The following JARID2 variants were observed in gnomAD, a reference collection of about 807,000 sequenced individuals.
JARID2 encodes the protein jumonji and AT-rich interaction domain containing 2.
A neutral mutation model predicts 125.6 loss-of-function variants in JARID2; 21 were observed. The observed-to-expected ratio is 0.17, with a 90% confidence interval of 0.12 to 0.24. The LOEUF (loss-of-function observed/expected upper bound fraction) is 0.24, where lower values mean the gene tolerates loss of function less well. JARID2 is among the 10% of genes least tolerant of loss of function. JARID2 has a pLI of 1.00. For synonymous variants in JARID2, 736 were observed against 661.6 expected (o/e 1.11, Z -1.73); for missense variants, 1,303 against 1,639.6 (o/e 0.79, Z 3.55).
chr6:15,298,435 C>T (rs1276844034), intron 1 of JARID2, among the ~76,000 whole-genome samples: 2 of 151,766 alleles, frequency 1.3e-5, no homozygotes, highest in Non-Finnish European at 2.9e-5. Context: ...CCTGTAATCC[C>T]AGCACTTTGG....
chr6:15,445,189 G>A (rs1767621084), intron 3 of JARID2, among the ~76,000 whole-genome samples: 1 of 152,206 alleles, frequency 6.6e-6, no homozygotes, highest in African/African-American at 2.4e-5. Context: ...TCTAATGGCA[G>A]GATGCCCAGG....
chr6:15,373,632 T>G (rs1764248769), intron 1 of JARID2, among the ~76,000 whole-genome samples: 1 of 152,224 alleles, frequency 6.6e-6, no homozygotes, highest in African/African-American at 2.4e-5. Flanking sequence ...TGTAAATTCC[T>G]TGAATGCACA....
chr6:15,274,684 G>A (rs957358762), intron 1 of JARID2, among the ~76,000 whole-genome samples: 9 of 152,170 alleles, frequency 5.9e-5, no homozygotes, highest in African/African-American at 2.2e-4. Flanking sequence ...GCAATATTGT[G>A]TTGGCCTCTT....
intron 1 of JARID2, among the ~76,000 whole-genome samples, chr6:15,294,790 T>G (rs936384756): frequency 6.6e-6 from 1 of 152,162 alleles, no homozygotes; most frequent in African/African-American, 2.4e-5. Context: ...GTGACTTTAG[T>G]GTGAGGGCCT....
chr6:15,439,397 G>A (rs1767353198), intron 3 of JARID2, among the ~76,000 whole-genome samples: 1 of 152,070 alleles, frequency 6.6e-6, no homozygotes, highest in African/African-American at 2.4e-5. Flanking sequence ...TTATACTTTT[G>A]ATCACCCTTC....
At chr6:15,365,513 C>A (rs914403005) in intron 1 of JARID2, among the ~76,000 whole-genome samples, 2 of 152,150 alleles carry the variant, frequency 1.3e-5, no homozygotes, top group African/African-American at 4.8e-5. Context: ...AGCTGCCCAG[C>A]AGATTTTTAT....
At chr6:15,400,175 G>A (rs1364075648) in intron 2 of JARID2, among the ~76,000 whole-genome samples, 1 of 152,110 alleles carries the variant, frequency 6.6e-6, no homozygotes, top group African/African-American at 2.4e-5. Context: ...TGTGCCTCGG[G>A]GAGGGGCCTG....
chr6:15,398,552 T>C (rs769161125), intron 2 of JARID2, among the ~76,000 whole-genome samples: 22 of 152,232 alleles, frequency 1.4e-4, no homozygotes, highest in African/African-American at 2.9e-4. Flanking sequence ...CTAAAACTTA[T>C]GGCTATTTAC....
chr6:15,497,913 C>T (rs1770543629), intron 7 of JARID2, among the ~76,000 whole-genome samples: 1 of 152,182 alleles, frequency 6.6e-6, no homozygotes, highest in African/African-American at 2.4e-5. Context: ...GCTGTTTTCT[C>T]CCTGTGTCCT....
chr6:15,505,809 G>A (rs967791539), intron 9 of JARID2, among the ~76,000 whole-genome samples: 6 of 152,262 alleles, frequency 3.9e-5, no homozygotes, highest in African/African-American at 7.2e-5. Flanking sequence ...CAGCTGAACC[G>A]TGGTCTAGGA....
chr6:15,499,472 A>C (rs1488277710), intron 7 of JARID2, among the ~76,000 whole-genome samples: 1 of 152,178 alleles, frequency 6.6e-6, no homozygotes, highest in East Asian at 1.9e-4. Flanking sequence ...AGAGTGAAAT[A>C]TGAAAGTGTG....
intron 3 of JARID2, among the ~76,000 whole-genome samples, chr6:15,419,205 T>G (rs999964017): frequency 6.6e-6 from 1 of 152,204 alleles, no homozygotes; most frequent in Non-Finnish European, 1.5e-5. Flanking sequence ...CTGATCAGGT[T>G]ATTTGGAGTT....
intron 1 of JARID2, among the ~76,000 whole-genome samples, chr6:15,260,232 G>T (rs997547869): frequency 9.9e-5 from 15 of 152,126 alleles, no homozygotes; most frequent in Non-Finnish European, 1.8e-4. Context: ...GGAGGGTCTG[G>T]ATTTAATAGT....
intron 3 of JARID2, among the ~76,000 whole-genome samples, chr6:15,421,010 G>A (rs1055192067): frequency 3.3e-5 from 5 of 152,260 alleles, no homozygotes; most frequent in Non-Finnish European, 4.4e-5. Context: ...CATGAGGAGC[G>A]CCTTTGGCAG....
chr6:15,520,845 T>C lies in JARID2; in HGVS notation c.*594T>C, dbSNP rs1303726419. 2.2e-6 allele frequency: 1 copy of C among 455,588 alleles called. No individual in the cohort carries two copies. The highest frequency in any genetic ancestry group is 2.0e-5 in the African/African-American group (1 of 49,970). The allele number at this position is 455,588 out of a possible 1,614,324, so 28.2% of individuals were successfully genotyped here. ...GAAGGCGGACGTTGTTTCCTAACCA[T>C]AGGTGGAACGAGGAGACGGGAGCGA... On this transcript the variant is annotated 3_prime_UTR_variant, in exon 18 of 18. Transcript: ENST00000341776.
intron 15 of JARID2, 28 bp from the exon 16 acceptor site, chr6:15,513,211 G>A: frequency 4.5e-6 from 7 of 1,551,572 alleles, no homozygotes; most frequent in Non-Finnish European, 6.1e-6. Context: ...CGTCACTAAA[G>A]GTGCGGGCCG....
chr6:15,329,746 A>G (rs1490411350), intron 1 of JARID2, among the ~76,000 whole-genome samples: 2 of 152,202 alleles, frequency 1.3e-5, no homozygotes, highest in Non-Finnish European at 2.9e-5. Context: ...TCCTTTGCCC[A>G]TCCATGACAT....
chr6:15,494,433 T>TTTTTTTTG (rs1554144113), intron 6 of JARID2, among the ~76,000 whole-genome samples: 15 of 147,396 alleles, frequency 1.0e-4, no homozygotes, highest in Non-Finnish European at 2.1e-4. Context: ...TTTTTTTTTT[T>TTTTTTTTG]GAGACAAGAG....
chr6:15,338,133 GTACT>G, intron 1 of JARID2, among the ~76,000 whole-genome samples: 1 of 152,222 alleles, frequency 6.6e-6, no homozygotes, highest in African/African-American at 2.4e-5. Context: ...TCATGGGTAT[GTACT>G]GCAGTGGTAC....
Sources: allele counts gnomAD v4.1 joint callset (sites outside exome capture counted in the v4.1 genomes callset), GRCh38; gene constraint gnomAD v4.1.1; transcripts MANE v1.5; gene names NCBI Gene and HGNC (gene_info 2026-07-23, HGNC 2026-07-21).